Variants in SMG1 observed in about 807,000 individuals in gnomAD.
SMG1 encodes SMG1 nonsense mediated mRNA decay associated PI3K related kinase.
SMG1 carries 22 observed loss-of-function variants against 419.9 expected under a neutral mutation model. The ratio of observed to expected loss-of-function variants is 0.05; its 90% confidence interval spans 0.04 to 0.07. The LOEUF (loss-of-function observed/expected upper bound fraction) is 0.07, where lower values mean the gene tolerates loss of function less well. SMG1 is among the 10% of genes least tolerant of loss of function. SMG1 has a pLI of 1.00. For missense variants in SMG1, 3,185 were observed against 4,342.0 expected, an observed-to-expected ratio of 0.73 and a Z score of 7.49; for synonymous variants, 1,538 against 1,553.5, an observed-to-expected ratio of 0.99 and a Z score of 0.23.
At chr16:18,873,939 A>C (rs2035963760) in intron 13 of SMG1, among the ~76,000 whole-genome samples, 1 of 152,216 alleles carries the variant, frequency 6.6e-6, no homozygotes, top group Non-Finnish European at 1.5e-5. Flanking sequence ...TGAATTCCTC[A>C]AAAATCAAGC....
intron 57 of SMG1, 32 bp downstream of exon 57, chr16:18,817,259 A>T (rs1277866313): frequency 1.9e-6 from 3 of 1,572,272 alleles, no homozygotes; most frequent in Non-Finnish European, 2.6e-6. Context: ...CACTAGCCTT[A>T]TTTAATCAAG....
intron 62 of SMG1, among the ~76,000 whole-genome samples, chr16:18,810,062 A>T (rs758310814): frequency 3.9e-5 from 6 of 152,102 alleles, no homozygotes; most frequent in Non-Finnish European, 5.9e-5. Flanking sequence ...GAAAAAAAAA[A>T]TTCCTTGCTG....
Position 18,805,663 on chromosome 16 carries a change from AG to A in SMG1, c.*3905del, listed in dbSNP as rs2030756317. ...CACTTGCTAGTTCTTCCCTGTGGGA[AG>A]AATCTTTCTAATATTACCCAAATAT... On this transcript the variant is annotated 3_prime_UTR_variant, in exon 63 of 63. Coordinates refer to ENST00000446231, the MANE Select transcript of SMG1 (RefSeq NM_015092.5). 6.6e-6 allele frequency: 1 copy of A among 152,214 alleles called. No homozygotes were observed. The highest frequency in any genetic ancestry group is 6.5e-5 in the Admixed American group (1 of 15,282). The allele number at this position is 152,214 out of a possible 1,614,324, so 9.4% of individuals were successfully genotyped here.
At chr16:18,810,872 G>A (rs1293855383) in intron 62 of SMG1, among the ~76,000 whole-genome samples, 1 of 152,138 alleles carries the variant, frequency 6.6e-6, no homozygotes, top group Non-Finnish European at 1.5e-5. Flanking sequence ...CCCTCAAATT[G>A]TTCAGAAAAA....
chr16:18,818,508 A>C (rs982074875), intron 56 of SMG1, among the ~76,000 whole-genome samples: 1 of 152,058 alleles, frequency 6.6e-6, no homozygotes, highest in African/African-American at 2.4e-5. Flanking sequence ...GCTAGAGCTA[A>C]AGGGACATAC....
intron 39 of SMG1, 78 bp downstream of exon 39, chr16:18,845,351 A>T: frequency 8.3e-7 from 1 of 1,211,242 alleles, no homozygotes; most frequent in Non-Finnish European, 1.2e-6. Context: ...CCAAGTAAGA[A>T]GTCCACTTAT....
In SMG1 at chr16:18,841,701, C is replaced by G. The variant is rs952344675; in HGVS notation, c.6560G>C (p.Arg2187Pro). 1 of 1,613,740 alleles carries G rather than the reference C, an allele frequency of 6.2e-7. No individual in the cohort carries two copies. The highest frequency in any genetic ancestry group is 2.2e-5 in the East Asian group (1 of 44,894). Residue 2187 changes from arginine to proline, a missense_variant, in exon 41 of 63, where the codon CGG (arginine) becomes CCG (proline). Coordinates refer to ENST00000446231, the MANE Select transcript of SMG1 (RefSeq NM_015092.5). ...TACAGAATAGTGTCGAGCATGGAAC[C>G]GGGGTGTTTCTTGGCGATTAATTGT... ...FATINRQETP[R>P]FHARHYSVTP...
chr16:18,833,011 A>G lies in SMG1; in HGVS notation c.8721T>C (p.Leu2907=). 5.0e-6 allele frequency: 8 copies of G among 1,613,980 alleles called. No individual in the cohort carries two copies. Among genetic ancestry groups the G allele is most frequent in the Non-Finnish European group, 6.8e-6 (8 of 1,179,890 alleles). ...GVPLQTLVES[L]QAYLRNAAMG... is the part of the protein sequence containing the mutation. ...TAGCTGCGTTTCTTAAGTAGGCCTG[A>G]AGAGATTCCACTAGAGTCTGCAGGG... is the stretch of plus-strand genomic sequence containing the variant. Residue 2907 remains leucine (L), a synonymous_variant, in exon 51 of 63, where the codon CTT becomes CTC. Transcript: ENST00000446231.
At chr16:18,925,749 C>G (rs1409295174) in intron 1 of SMG1, 1 of 413,682 alleles carries the variant, frequency 2.4e-6, no homozygotes, top group Non-Finnish European at 4.3e-6. Context: ...CCGGGCTGAA[C>G]AAGCAGGGAG....
At chr16:18,880,219 C>G (rs1270495861) in intron 10 of SMG1, among the ~76,000 whole-genome samples, 1 of 152,292 alleles carries the variant, frequency 6.6e-6, no homozygotes, top group South Asian at 2.1e-4. Flanking sequence ...ATGCTTACCA[C>G]AAAATACCTT....
In SMG1 at chr16:18,807,149, T is replaced by C. The variant is rs1381056925; in HGVS notation, c.*2420A>G. 2 of 152,370 alleles carry C rather than the reference T, an allele frequency of 1.3e-5. No homozygotes were observed. Among genetic ancestry groups the C allele is most frequent in the African/African-American group, 2.4e-5 (1 of 41,590 alleles). The allele number at this position is 152,370 out of a possible 1,614,324, so 9.4% of individuals were successfully genotyped here. ...GCTTGAGTAAGGTGCCAGGTACCTC[T>C]GAAGCCTGAAAACACAGGCAATAAA... On this transcript the variant is annotated 3_prime_UTR_variant, in exon 63 of 63. Transcript: ENST00000446231.
chr16:18,893,781 G>C (rs112019280), intron 3 of SMG1, among the ~76,000 whole-genome samples: 3 of 152,222 alleles, frequency 2.0e-5, no homozygotes, highest in African/African-American at 7.2e-5. Context: ...CAGAAGGCTG[G>C]GCATGGTGGC....
intron 57 of SMG1, among the ~76,000 whole-genome samples, chr16:18,816,863 A>G (rs1299955584): frequency 6.6e-6 from 1 of 152,226 alleles, no homozygotes; most frequent in Non-Finnish European, 1.5e-5. Flanking sequence ...ACTTCCTAAC[A>G]TACAGCTTTA....
At position 18,807,118 on chromosome 16, in the gene SMG1, G is replaced by A. The variant is rs1459606693; in HGVS notation, c.*2451C>T. On this transcript the variant is annotated 3_prime_UTR_variant, in exon 63 of 63. Transcript: ENST00000446231. ...TGCTTTTGAAGTAAAGCTGTTTTTT[G>A]TTTTTGCTTGAGTAAGGTGCCAGGT... is the stretch of plus-strand genomic sequence containing the variant. 2 of 152,106 alleles carry A rather than the reference G, an allele frequency of 1.3e-5. No homozygotes were observed. The highest frequency in any genetic ancestry group is 2.9e-5 in the Non-Finnish European group (2 of 67,998). The allele number at this position is 152,106 out of a possible 1,614,324, so 9.4% of individuals were successfully genotyped here.
intron 4 of SMG1, 28 bp downstream of exon 4, chr16:18,892,190 C>G (rs749190677): frequency 4.8e-6 from 7 of 1,448,046 alleles, no homozygotes; most frequent in Non-Finnish European, 6.6e-6. Context: ...CACAAAAATC[C>G]TCATATTTCC....
At chr16:18,904,985 G>C (rs1285223624) in intron 1 of SMG1, among the ~76,000 whole-genome samples, 1 of 151,830 alleles carries the variant, frequency 6.6e-6, no homozygotes, top group African/African-American at 2.4e-5. Context: ...AATAAGGCCG[G>C]GCACGGTGGC....
chr16:18,903,870 ACCT>A (rs1480106128), intron 1 of SMG1, among the ~76,000 whole-genome samples: 1 of 149,306 alleles, frequency 6.7e-6, no homozygotes, highest in Non-Finnish European at 1.5e-5. Flanking sequence ...GAACAAATAA[ACCT>A]CCTATCCATA....
At chr16:18,905,615 ATTTT>A (rs35576204) in intron 1 of SMG1, among the ~76,000 whole-genome samples, 1 of 135,250 alleles carries the variant, frequency 7.4e-6, no homozygotes, top group Admixed American at 7.3e-5. Context: ...TCTTCATTTC[ATTTT>A]TTTTTTTTTT....
chr16:18,847,738 A>G, intron 37 of SMG1, 78 bp downstream of exon 37: 1 of 1,567,194 alleles, frequency 6.4e-7, no homozygotes, highest in Non-Finnish European at 8.7e-7. Flanking sequence ...CTGACCAGTG[A>G]TTGTCAATAC....
Sources: gnomAD v4.1 joint callset for allele counts (sites outside exome capture counted in the v4.1 genomes callset) on GRCh38, gnomAD v4.1.1 for gene constraint, MANE v1.5 for transcripts, NCBI Gene and HGNC (gene_info 2026-07-23, HGNC 2026-07-21) for gene names.